NEK6: variants seen among roughly 807,000 people sequenced by gnomAD.
NEK6 encodes NIMA related kinase 6, also known as serine/threonine-protein kinase Nek6.
A neutral mutation model predicts 43.5 loss-of-function variants in NEK6; 27 were observed. The observed-to-expected ratio is 0.62, with a 90% confidence interval of 0.46 to 0.86. The LOEUF is 0.86. Among genes scored for constraint, NEK6 ranks in the 40% least tolerant of loss-of-function variants. The pLI, the probability that NEK6 is intolerant of heterozygous loss-of-function variation, is 0.00. For synonymous variants in NEK6, 167 were observed against 164.1 expected (o/e 1.02, Z -0.14); for missense variants, 318 against 414.4 (o/e 0.77, Z 2.02).
intron 1 of NEK6, among the ~76,000 whole-genome samples, chr9:124,279,693 G>A (rs1341376053): frequency 6.6e-6 from 1 of 152,192 alleles, no homozygotes; most frequent in Non-Finnish European, 1.5e-5. Flanking sequence ...TATGTGCCAA[G>A]GAATTTGCTG....
intron 1 of NEK6, among the ~76,000 whole-genome samples, chr9:124,283,829 T>A (rs1339672017): frequency 6.6e-6 from 1 of 152,250 alleles, no homozygotes. Flanking sequence ...CCAGGTAGAC[T>A]GCACGCACAT....
At chr9:124,279,668 C>A (rs902160380) in intron 1 of NEK6, among the ~76,000 whole-genome samples, 3 of 152,214 alleles carry the variant, frequency 2.0e-5, no homozygotes, top group African/African-American at 7.2e-5. Flanking sequence ...ACCCCTTTGT[C>A]TGTTGAGTGC....
rs1834245246 is a variant in NEK6, at chr9:124,324,647, G to A, written c.406-1683G>A. On this transcript the variant is annotated intron_variant, in intron 5 of 9. Transcript: ENST00000320246. The surrounding 1 kb of genome is among the most constrained non-coding windows in gnomAD (Gnocchi z 5.3). ...CCCGCCACAGGCCTGGAGGTGGCCT[G>A]GGGGTGGGGTCTGTGCTGAGACCTG... 6.6e-6 allele frequency among the ~76,000 whole-genome samples: 1 copy of A among 152,194 alleles called. No homozygotes were observed. The highest frequency in any genetic ancestry group is 1.5e-5 in the Non-Finnish European group (1 of 68,028).
At position 124,280,601 on chromosome 9, in the gene NEK6, A is replaced by G. The variant is rs541404399; in HGVS notation, c.-29-21335A>G. On this transcript the variant is annotated intron_variant, in intron 1 of 9. Transcript: ENST00000320246. ...TGTGACGTTTTCCAAGCACGAGGTG[A>G]CCAGTGTCCATTGGGTCATCAGGCC... is the stretch of plus-strand genomic sequence containing the variant. 2.2e-4 allele frequency among the ~76,000 whole-genome samples: 33 copies of G among 152,288 alleles called. No individual in the cohort carries two copies. In the South Asian group the frequency reaches 6.8e-3, roughly 32 times the overall value.
At chr9:124,260,831 A>G (rs1183802671) in intron 1 of NEK6, among the ~76,000 whole-genome samples, 1 of 152,220 alleles carries the variant, frequency 6.6e-6, no homozygotes, top group Non-Finnish European at 1.5e-5. Flanking sequence ...GCACAGAGAG[A>G]TGAGAGAATG....
At chr9:124,335,832 G>A (rs1379898327) in intron 7 of NEK6, among the ~76,000 whole-genome samples, 3 of 152,230 alleles carry the variant, frequency 2.0e-5, no homozygotes, top group South Asian at 2.1e-4. Context: ...AAACAAGGCC[G>A]GATGCAGTGG....
rs1830306860 is a variant in NEK6 at position 124,352,144 on chromosome 9, CA to C, written c.*1199del. The stretch of plus-strand genomic sequence containing the variant: ...GTTTTTGTACGTAAAGTTAACCTTC[CA>C]ATTGTCTGAGCTGTCGTCACTGACT... On this transcript the variant is annotated 3_prime_UTR_variant, in exon 10 of 10. Coordinates refer to ENST00000320246, the MANE Select transcript of NEK6 (RefSeq NM_014397.6). 6.6e-6 allele frequency: 1 copy of C among 152,622 alleles called. No individual in the cohort carries two copies. Among genetic ancestry groups the C allele is most frequent in the African/African-American group, 2.4e-5 (1 of 41,422 alleles). 9.5% of individuals were successfully genotyped at this position (152,622 alleles called of 1,614,324 possible).
intron 1 of NEK6, among the ~76,000 whole-genome samples, chr9:124,274,981 G>A (rs1050755677): frequency 2.6e-5 from 4 of 152,148 alleles, no homozygotes; most frequent in African/African-American, 4.8e-5. Flanking sequence ...GAAAAGGACC[G>A]ACCTAACTTA....
Position 124,258,299 on chromosome 9 carries a change from G to A in NEK6, c.-30+214G>A, listed in dbSNP as rs959455551. The A allele has an allele frequency of 4.1e-6, 4 of 985,124 alleles. No homozygotes were observed. In the Admixed American group the frequency reaches 2.5e-4, roughly 61 times the overall value. 61.0% of individuals were successfully genotyped at this position (985,124 alleles called of 1,614,324 possible). ...CGGGGGCGGCGTGTCCGCGTGTCCC[G>A]GGGTGTGCGCGTCCCCGGCGGGTGT... On this transcript the variant is annotated intron_variant, in intron 1 of 9. Transcript: ENST00000320246.
intron 7 of NEK6, among the ~76,000 whole-genome samples, chr9:124,330,865 G>A (rs1383408992): frequency 1.3e-5 from 2 of 151,974 alleles, no homozygotes; most frequent in Non-Finnish European, 2.9e-5. Flanking sequence ...AGCCCAGGGT[G>A]GCTCCACCCC....
chr9:124,279,225 C>T (rs1258760241), intron 1 of NEK6, among the ~76,000 whole-genome samples: 3 of 152,016 alleles, frequency 2.0e-5, no homozygotes, highest in Admixed American at 6.5e-5. Context: ...CCCTCGGACC[C>T]CTGGGAAACA....
intron 1 of NEK6, chr9:124,292,442 G>A: frequency 6.5e-7 from 1 of 1,536,902 alleles, no homozygotes; most frequent in Non-Finnish European, 8.7e-7. Flanking sequence ...CTTCCTGCCT[G>A]TGGGAAGGAG....
At position 124,258,055 on chromosome 9, in the gene NEK6, C is replaced by T; in HGVS notation, c.-60C>T. 1.0e-6 allele frequency: 1 copy of T among 979,286 alleles called. No individual in the cohort carries two copies. The highest frequency in any genetic ancestry group is 1.2e-6 in the Non-Finnish European group (1 of 827,572). 60.7% of individuals were successfully genotyped at this position (979,286 alleles called of 1,614,324 possible). On this transcript the variant is annotated 5_prime_UTR_variant, in exon 1 of 10. Coordinates refer to ENST00000320246, the MANE Select transcript of NEK6 (RefSeq NM_014397.6). Reference sequence around the variant, plus strand: ...CGCCCGCGGGCCAGCGCACCGGTCCCCCAGCGGCAGCCGAGCCCGCCCGCG... The same window carrying T: ...CGCCCGCGGGCCAGCGCACCGGTCCTCCAGCGGCAGCCGAGCCCGCCCGCG...
intron 7 of NEK6, among the ~76,000 whole-genome samples, chr9:124,332,818 T>C (rs1829078162): frequency 6.6e-6 from 1 of 152,162 alleles, no homozygotes; most frequent in South Asian, 2.1e-4. Flanking sequence ...TGATATCTGC[T>C]GGGTTTGAAA....
At chr9:124,265,771 G>A (rs929673355) in intron 1 of NEK6, 2 of 152,282 alleles carry the variant, frequency 1.3e-5, no homozygotes. Context: ...TATGGGCTAA[G>A]TGGACTCCCT....
At chr9:124,258,332 C>T (rs908121587) in intron 1 of NEK6, 86 of 985,032 alleles carry the variant, frequency 8.7e-5, no homozygotes, top group Non-Finnish European at 1.0e-4. Context: ...TGTGCGTGTG[C>T]ACCCCGGAGC....
chr9:124,336,608 G>A (rs1034123205), intron 7 of NEK6, among the ~76,000 whole-genome samples: 19 of 152,170 alleles, frequency 1.2e-4, no homozygotes, highest in Non-Finnish European at 2.1e-4. Flanking sequence ...CCTTTGCCAC[G>A]CTGGGACTCC....
intron 3 of NEK6, 79 bp downstream of exon 3, chr9:124,312,728 C>G (rs1057222534): frequency 7.1e-7 from 1 of 1,413,664 alleles, no homozygotes; most frequent in African/African-American, 1.4e-5. Flanking sequence ...CGGGCCAGTC[C>G]CTTCTCTCCC....
chr9:124,344,056 T>C (rs1313081106), intron 8 of NEK6, among the ~76,000 whole-genome samples: 2 of 152,064 alleles, frequency 1.3e-5, no homozygotes, highest in Non-Finnish European at 2.9e-5. Flanking sequence ...ATGTTTTCCA[T>C]GGAAAATGGA....
Sources: allele counts gnomAD v4.1 joint callset (sites outside exome capture counted in the v4.1 genomes callset), GRCh38; gene constraint gnomAD v4.1.1; non-coding constraint Gnocchi (gnomAD v3.1); transcripts MANE v1.5; gene names NCBI Gene and HGNC (gene_info 2026-07-23, HGNC 2026-07-21).